Variants in POLN observed in about 807,000 individuals in gnomAD.
POLN encodes DNA polymerase nu, also known as DNA polymerase N.
A neutral mutation model predicts 113.5 loss-of-function variants in POLN; 108 were observed. That is an observed-to-expected ratio of 0.95 (90% CI 0.81 to 1.12). The LOEUF (loss-of-function observed/expected upper bound fraction) is 1.12, where lower values mean the gene tolerates loss of function less well. Among genes scored for constraint, POLN ranks in the 50% most tolerant of loss-of-function variants. POLN has a pLI of 0.00. For synonymous variants in POLN, 386 were observed against 391.5 expected (o/e 0.99, Z 0.17); for missense variants, 1,097 against 1,077.1 (o/e 1.02, Z -0.26).
Position 2,208,035 on chromosome 4 carries a change from C to T in POLN, c.666G>A (p.Val222=). Residue 222 remains valine, a synonymous_variant, in exon 5 of 26, where the codon GTG becomes GTA. Transcript: ENST00000511885. ...IEMLKQAAAL[V]ITVMYTDGST... ...AACCATCAGTATACATCACAGTTAT[C>T]ACCAGGGCTGCTGCCTGTTTGAGCA... 1 of 1,614,116 alleles carries T rather than the reference C, an allele frequency of 6.2e-7. No homozygotes were observed.
intron 19 of POLN, among the ~76,000 whole-genome samples, chr4:2,101,088 G>C (rs1418676289): frequency 6.6e-6 from 1 of 151,734 alleles, no homozygotes; most frequent in Non-Finnish European, 1.5e-5. Context: ...AATCAAATTA[G>C]ATCTTTGTTG....
At chr4:2,075,082 A>G (rs560018906) in intron 24 of POLN, among the ~76,000 whole-genome samples, 53 of 152,248 alleles carry the variant, frequency 3.5e-4, no homozygotes, top group Admixed American at 2.0e-3. Context: ...GCAGCCCCCA[A>G]TCAGCCCAGG....
At chr4:2,229,268 A>G (rs747062870) in intron 2 of POLN, 25 bp from the exon 3 acceptor site, 11 of 1,530,444 alleles carry the variant, frequency 7.2e-6, no homozygotes, top group Non-Finnish European at 9.8e-6. Context: ...AACATAAGAT[A>G]AATCCCATAT....
chr4:2,239,327 G>A (rs1188576469), intron 2 of POLN, among the ~76,000 whole-genome samples: 1 of 152,056 alleles, frequency 6.6e-6, no homozygotes, highest in Non-Finnish European at 1.5e-5. Flanking sequence ...TTATTAATAG[G>A]ACACTATTCA....
intron 11 of POLN, among the ~76,000 whole-genome samples, chr4:2,173,250 A>C (rs1363412417): frequency 1.3e-5 from 2 of 152,168 alleles, no homozygotes; most frequent in Non-Finnish European, 2.9e-5. Context: ...GTTTCCTTTA[A>C]ACATTTTATT....
At chr4:2,198,199 G>A (rs1733626602) in intron 6 of POLN, among the ~76,000 whole-genome samples, 1 of 152,162 alleles carries the variant, frequency 6.6e-6, no homozygotes, top group Non-Finnish European at 1.5e-5. Context: ...GTATGATAAG[G>A]AAAATCATCT....
chr4:2,186,912 G>A (rs1733289003), intron 7 of POLN, among the ~76,000 whole-genome samples: 1 of 152,096 alleles, frequency 6.6e-6, no homozygotes, highest in African/African-American at 2.4e-5. Context: ...ATTTAACAGA[G>A]GTTGACTTAA....
chr4:2,185,615 A>G (rs186737427), intron 7 of POLN, among the ~76,000 whole-genome samples: 12 of 152,234 alleles, frequency 7.9e-5, no homozygotes, highest in East Asian at 1.9e-4. Flanking sequence ...GCATGGTGGC[A>G]CGTGCCTGTA....
intron 4 of POLN, among the ~76,000 whole-genome samples, chr4:2,208,820 T>C (rs971634552): frequency 6.6e-6 from 1 of 152,092 alleles, no homozygotes; most frequent in African/African-American, 2.4e-5. Context: ...TGAAACTTCA[T>C]CTTACTAAAA....
chr4:2,085,379 C>T (rs1730521600), intron 21 of POLN, among the ~76,000 whole-genome samples: 1 of 152,212 alleles, frequency 6.6e-6, no homozygotes, highest in African/African-American at 2.4e-5. Flanking sequence ...TCTGCCCATC[C>T]ACCATCTAGT....
intron 11 of POLN, among the ~76,000 whole-genome samples, chr4:2,173,718 T>C (rs549555677): frequency 2.0e-5 from 3 of 152,260 alleles, no homozygotes; most frequent in Admixed American, 2.0e-4. Flanking sequence ...AACGTAACTT[T>C]TGAGGAGGAT....
intron 2 of POLN, chr4:2,238,671 C>G (rs200069833): frequency 4.6e-5 from 74 of 1,613,046 alleles, no homozygotes; most frequent in Non-Finnish European, 3.9e-5. Flanking sequence ...ACTGATGGAT[C>G]TGTTAACATT....
intron 2 of POLN, chr4:2,230,898 T>C (rs1041949479): frequency 6.6e-6 from 1 of 152,234 alleles, no homozygotes; most frequent in Non-Finnish European, 1.5e-5. Context: ...CCAAATACCA[T>C]TGTTAAATAC....
In POLN at chr4:2,235,843, TGA is replaced by T; in HGVS notation, c.-13+5675_-13+5676del. 2.0e-5 allele frequency among the ~76,000 whole-genome samples: 3 copies of T among 152,202 alleles called. No individual in the cohort carries two copies. The East Asian group carries it at 5.8e-4, about 29-fold the overall frequency. On this transcript the variant is annotated intron_variant, in intron 2 of 25. Transcript: ENST00000511885. ...AAGCATGGTAGTCACTCTTTGAGGATGAGAGAGGAATTATATTAGGAGGAGCA... is the reference window on the plus strand; with the variant it reads ...AAGCATGGTAGTCACTCTTTGAGGATGAGAGGAATTATATTAGGAGGAGCA...
intron 16 of POLN, among the ~76,000 whole-genome samples, chr4:2,133,615 G>A (rs1294501640): frequency 6.6e-6 from 1 of 152,172 alleles, no homozygotes; most frequent in Non-Finnish European, 1.5e-5. Context: ...CATAGTGGTA[G>A]CAGAATTGTT....
chr4:2,164,072 T>C (rs952565162), intron 13 of POLN, among the ~76,000 whole-genome samples: 2 of 152,206 alleles, frequency 1.3e-5, no homozygotes. Flanking sequence ...CATGAACTTA[T>C]CACAAGGTCC....
chr4:2,075,435 G>C lies in POLN; in HGVS notation c.2455+17C>G, dbSNP rs1384990723. On this transcript the variant is annotated intron_variant, in intron 24 of 25. Coordinates refer to ENST00000511885, the MANE Select transcript of POLN (RefSeq NM_181808.4). ...CTGTCTGTGATGTCCAAGCAACCCT[G>C]TGTTGCCCCAGGCTACCTGCACACT... The C allele has an allele frequency of 1.2e-6, 2 of 1,612,884 alleles. No individual in the cohort carries two copies. The highest frequency in any genetic ancestry group is 1.7e-6 in the Non-Finnish European group (2 of 1,179,758).
In POLN at chr4:2,072,054, G is replaced by A. The variant is rs1391177398; in HGVS notation, c.*60C>T. 2 of 1,569,112 alleles carry A rather than the reference G, an allele frequency of 1.3e-6. No homozygotes were observed. Among genetic ancestry groups the A allele is most frequent in the Non-Finnish European group, 1.8e-6 (2 of 1,140,092 alleles). Reference sequence around the variant, plus strand: ...TGGGGCGTACAGAGCTGGTGACCTTGGGGAAGGCCACACAATGGACTGCTG... The same window carrying A: ...TGGGGCGTACAGAGCTGGTGACCTTAGGGAAGGCCACACAATGGACTGCTG... On this transcript the variant is annotated 3_prime_UTR_variant, in exon 26 of 26. Transcript: ENST00000511885.
In POLN at chr4:2,174,674, T is replaced by C. The variant is rs758011668; in HGVS notation, c.1309+17A>G. 6.3e-7 allele frequency: 1 copy of C among 1,591,184 alleles called. No homozygotes were observed. The highest frequency in any genetic ancestry group is 8.6e-7 in the Non-Finnish European group (1 of 1,159,672). On this transcript the variant is annotated intron_variant, in intron 10 of 25. Transcript: ENST00000511885. The stretch of plus-strand genomic sequence containing the variant: ...CCTCTAGAAAAATGGCTGTACTTCA[T>C]CTTTATGGTAACTTACCTGCCAAAA...
Sources: gnomAD v4.1 joint callset for allele counts (sites outside exome capture counted in the v4.1 genomes callset) on GRCh38, gnomAD v4.1.1 for gene constraint, MANE v1.5 for transcripts, NCBI Gene and HGNC (gene_info 2026-07-23, HGNC 2026-07-21) for gene names.